EHBP1: variants seen among roughly 807,000 people sequenced by gnomAD.
EHBP1 encodes the protein EH domain binding protein 1, also known as EH domain-binding protein 1.
Under a neutral mutation model 144.0 loss-of-function variants are expected in EHBP1, and 55 were observed. The ratio of observed to expected loss-of-function variants is 0.38; its 90% CI spans 0.31 to 0.48. The LOEUF (loss-of-function observed/expected upper bound fraction) is 0.48, where lower values mean the gene tolerates loss of function less well. Among genes scored for constraint, EHBP1 ranks in the 20% least tolerant of loss-of-function variants. The pLI, the probability that EHBP1 is intolerant of heterozygous loss-of-function variation, is 0.98. For synonymous variants in EHBP1, 469 were observed against 472.7 expected, an observed-to-expected ratio of 0.99 and a Z score of 0.10; for missense variants, 1,200 against 1,364.2, an observed-to-expected ratio of 0.88 and a Z score of 1.90.
At chr2:62,870,887 T>C (rs1195313226) in intron 9 of EHBP1, among the ~76,000 whole-genome samples, 1 of 151,798 alleles carries the variant, frequency 6.6e-6, no homozygotes, top group Non-Finnish European at 1.5e-5. Flanking sequence ...GCTTCCTGGG[T>C]ATGGCTAGGT....
chr2:62,789,297 A>G (rs2043020290), intron 5 of EHBP1, among the ~76,000 whole-genome samples: 1 of 152,236 alleles, frequency 6.6e-6, no homozygotes, highest in Non-Finnish European at 1.5e-5. Context: ...TGGAATTCCT[A>G]ACTTGGTAAA....
chr2:62,767,843 A>C (rs930770956), intron 4 of EHBP1, among the ~76,000 whole-genome samples: 2 of 151,700 alleles, frequency 1.3e-5, no homozygotes, highest in African/African-American at 4.8e-5. Flanking sequence ...CAAAAAAAAA[A>C]AAAAAAAAAA....
intron 19 of EHBP1, among the ~76,000 whole-genome samples, chr2:63,008,490 G>A (rs530041431): frequency 6.6e-6 from 1 of 150,642 alleles, no homozygotes; most frequent in Non-Finnish European, 1.5e-5. Flanking sequence ...TAGTGTATCT[G>A]TTTTTTATTT....
intron 14 of EHBP1, among the ~76,000 whole-genome samples, chr2:62,958,438 T>C (rs1397488611): frequency 6.6e-6 from 1 of 152,182 alleles, no homozygotes; most frequent in East Asian, 1.9e-4. Context: ...TTGGAGATAT[T>C]ATGCTGCGAA....
chr2:63,027,197 TATC>T (rs921673584), intron 19 of EHBP1, among the ~76,000 whole-genome samples: 5 of 152,198 alleles, frequency 3.3e-5, no homozygotes, highest in Non-Finnish European at 5.9e-5. Flanking sequence ...ATGCTATTAT[TATC>T]ATCATCAACA....
At chr2:62,867,155 A>G (rs932458187) in intron 9 of EHBP1, among the ~76,000 whole-genome samples, 14 of 152,156 alleles carry the variant, frequency 9.2e-5, no homozygotes, top group Admixed American at 7.2e-4. Flanking sequence ...TCTCTCTGGT[A>G]GATAATTGTT....
At chr2:62,722,415 G>A (rs1375554928) in intron 2 of EHBP1, among the ~76,000 whole-genome samples, 1 of 151,770 alleles carries the variant, frequency 6.6e-6, no homozygotes, top group Admixed American at 6.6e-5. Context: ...GAGCCACCAT[G>A]CCCTGCCAAA....
intron 21 of EHBP1, among the ~76,000 whole-genome samples, chr2:63,040,633 C>T (rs1232510499): frequency 6.6e-6 from 1 of 152,158 alleles, no homozygotes; most frequent in Non-Finnish European, 1.5e-5. Flanking sequence ...GTTTTAAATA[C>T]ATTGTCTGTA....
intron 19 of EHBP1, among the ~76,000 whole-genome samples, chr2:63,030,613 A>G (rs2061200944): frequency 6.6e-6 from 1 of 150,692 alleles, no homozygotes; most frequent in Admixed American, 6.6e-5. Context: ...TCAGCCTCCC[A>G]AGTAGCTGGG....
intron 10 of EHBP1, among the ~76,000 whole-genome samples, chr2:62,922,708 G>C (rs1268376684): frequency 6.6e-6 from 1 of 152,126 alleles, no homozygotes; most frequent in Non-Finnish European, 1.5e-5. Context: ...AAAGAGCAGT[G>C]GAGTACAGCA....
intron 18 of EHBP1, among the ~76,000 whole-genome samples, chr2:62,996,083 G>A (rs190205919): frequency 7.2e-5 from 11 of 152,104 alleles, no homozygotes; most frequent in Admixed American, 5.9e-4. Flanking sequence ...GAAAATTGGA[G>A]ATATTGTGAA....
intron 21 of EHBP1, among the ~76,000 whole-genome samples, chr2:63,041,277 T>C (rs1033869119): frequency 6.6e-6 from 1 of 152,202 alleles, no homozygotes; most frequent in Admixed American, 6.5e-5. Flanking sequence ...CTGAACTAAG[T>C]TGTAGGATCC....
At chr2:62,692,054 A>G (rs2033925004) in intron 1 of EHBP1, among the ~76,000 whole-genome samples, 1 of 152,110 alleles carries the variant, frequency 6.6e-6, no homozygotes, top group Non-Finnish European at 1.5e-5. Context: ...TATTAGCAGT[A>G]ACTCCTTCAT....
chr2:62,730,771 CAAAG>C (rs1558566511), intron 2 of EHBP1, among the ~76,000 whole-genome samples: 1 of 139,036 alleles, frequency 7.2e-6, no homozygotes, highest in African/African-American at 2.7e-5. Context: ...GAGAGACAGA[CAAAG>C]AGACAGACAG....
intron 2 of EHBP1, among the ~76,000 whole-genome samples, chr2:62,731,523 C>T (rs10199402): frequency 1.6e-3 from 240 of 152,194 alleles, no homozygotes; most frequent in Middle Eastern, 0.01. Flanking sequence ...TTAAGTATAA[C>T]GTTATCCTTA....
intron 5 of EHBP1, among the ~76,000 whole-genome samples, chr2:62,780,103 G>A (rs964906955): frequency 5.9e-5 from 9 of 151,830 alleles, no homozygotes; most frequent in African/African-American, 2.2e-4. Flanking sequence ...TAACTTAACT[G>A]CCTTTTAGAT....
chr2:62,717,793 T>C (rs2035833489), intron 2 of EHBP1, among the ~76,000 whole-genome samples: 1 of 151,946 alleles, frequency 6.6e-6, no homozygotes. Context: ...TCTGAAAGAG[T>C]TTGTCAGCCT....
chr2:62,752,468 G>A (rs941264701), intron 3 of EHBP1, among the ~76,000 whole-genome samples: 2 of 152,164 alleles, frequency 1.3e-5, no homozygotes, highest in Admixed American at 1.3e-4. Flanking sequence ...GATCTGGGGT[G>A]GAGAGTTCTA....
chr2:62,783,866 A>C (rs1433752041), intron 5 of EHBP1, among the ~76,000 whole-genome samples: 1 of 152,192 alleles, frequency 6.6e-6, no homozygotes, highest in Non-Finnish European at 1.5e-5. Flanking sequence ...AGTTGGCTTG[A>C]ATTTCTGCCC....
Sources: allele counts gnomAD v4.1 joint callset (sites outside exome capture counted in the v4.1 genomes callset), GRCh38; gene constraint gnomAD v4.1.1; transcripts MANE v1.5; gene names NCBI Gene and HGNC (gene_info 2026-07-23, HGNC 2026-07-21).